ZNF536: variants seen among roughly 807,000 people sequenced by gnomAD.
ZNF536 encodes the protein zinc finger protein 536.
Under a neutral mutation model 84.5 loss-of-function variants are expected in ZNF536, and 13 were observed. That is an observed-to-expected ratio of 0.15 (90% CI 0.10 to 0.24). ZNF536 has a LOEUF of 0.24. Ranked by LOEUF, ZNF536 falls within the 10% of genes least tolerant of loss-of-function variation. ZNF536 has a pLI of 1.00. For missense variants in ZNF536, 1,536 were observed against 1,747.5 expected (o/e 0.88, Z 2.16); for synonymous variants, 811 against 742.5 (o/e 1.09, Z -1.50).
chr19:30,231,787 ATGG>A (rs1444437649), intron 1 of ZNF536, among the ~76,000 whole-genome samples: 5 of 151,698 alleles, frequency 3.3e-5, no homozygotes, highest in Non-Finnish European at 7.4e-5. Context: ...TGTGCTGGTG[ATGG>A]TGGTGGTGGT....
At chr19:30,644,268 A>G (rs1199295710) in intron 1 of ZNF536, among the ~76,000 whole-genome samples, 1 of 152,062 alleles carries the variant, frequency 6.6e-6, no homozygotes, top group Non-Finnish European at 1.5e-5. Context: ...TTTCATTCTT[A>G]GTTTGTAATC....
intron 1 of ZNF536, among the ~76,000 whole-genome samples, chr19:30,248,961 A>C (rs187099451): frequency 6.6e-6 from 1 of 152,328 alleles, no homozygotes; most frequent in East Asian, 1.9e-4. Flanking sequence ...CTTGCTGCCA[A>C]ACGGGGGTTT....
At chr19:30,628,672 A>G (rs1438880950) in intron 1 of ZNF536, among the ~76,000 whole-genome samples, 2 of 151,220 alleles carry the variant, frequency 1.3e-5, no homozygotes, top group Non-Finnish European at 2.9e-5. Context: ...CTCGTGATCC[A>G]CCCACCTTGG....
At chr19:30,656,159 C>T (rs2049904285) in intron 1 of ZNF536, among the ~76,000 whole-genome samples, 1 of 152,202 alleles carries the variant, frequency 6.6e-6, no homozygotes, top group African/African-American at 2.4e-5. Flanking sequence ...TGGAGACCTT[C>T]TCCTTGGTTC....
At chr19:30,350,765 C>A (rs1320366201) in intron 2 of ZNF536, among the ~76,000 whole-genome samples, 2 of 152,148 alleles carry the variant, frequency 1.3e-5, no homozygotes, top group Non-Finnish European at 2.9e-5. Context: ...CAATTTTGTT[C>A]TGTGCCACAA....
intron 1 of ZNF536, among the ~76,000 whole-genome samples, chr19:30,704,328 A>C (rs144800456): frequency 2.4e-4 from 37 of 152,280 alleles, no homozygotes; most frequent in African/African-American, 8.7e-4. Context: ...CACAGGCAAC[A>C]TGGCTGGTCT....
intron 2 of ZNF536, among the ~76,000 whole-genome samples, chr19:30,325,334 G>A (rs1261071739): frequency 4.6e-5 from 7 of 152,184 alleles, no homozygotes; most frequent in Non-Finnish European, 8.8e-5. Flanking sequence ...GTGGCATGTC[G>A]GATCTGGGAG....
chr19:30,671,017 C>G (rs1600217607), intron 1 of ZNF536, among the ~76,000 whole-genome samples: 2 of 152,216 alleles, frequency 1.3e-5, no homozygotes, highest in African/African-American at 4.8e-5. Flanking sequence ...CTCCCCTTCT[C>G]TTTCTCATTC....
intron 2 of ZNF536, among the ~76,000 whole-genome samples, chr19:30,351,907 A>G (rs2047942682): frequency 6.6e-6 from 1 of 152,238 alleles, no homozygotes; most frequent in South Asian, 2.1e-4. Flanking sequence ...AGGGGAAAAC[A>G]TGGGGGAGAA....
intron 2 of ZNF536, among the ~76,000 whole-genome samples, chr19:30,337,259 A>G (rs1246482959): frequency 6.6e-6 from 1 of 152,128 alleles, no homozygotes; most frequent in African/African-American, 2.4e-5. Context: ...TGGCCCACAG[A>G]GTGGGGTTGC....
In ZNF536 at chr19:30,569,354, G is replaced by A. The variant is rs574732602; in HGVS notation, c.169+19840G>A. Reference sequence around the variant, plus strand: ...ATTCTTTGAAATGGGCTCTGCAGCCGTGTTCTTGGGGGAGGTGTTTGGTTT... The same window carrying A: ...ATTCTTTGAAATGGGCTCTGCAGCCATGTTCTTGGGGGAGGTGTTTGGTTT... On this transcript the variant is annotated intron_variant, in intron 1 of 1. Coordinates refer to the ZNF536 transcript ENST00000592773. 3.9e-3 allele frequency among the ~76,000 whole-genome samples: 587 copies of A among 152,092 alleles called. 7 individuals carry two copies. The highest frequency in any genetic ancestry group is 4.9e-3 in the Non-Finnish European group (332 of 68,002).
At chr19:30,274,922 G>A (rs1289437277) in intron 1 of ZNF536, among the ~76,000 whole-genome samples, 5 of 152,194 alleles carry the variant, frequency 3.3e-5, no homozygotes, top group East Asian at 1.9e-4. Context: ...TCTGTAAAGC[G>A]ATACGTATGT....
At chr19:30,398,899 T>C (rs900619307) in intron 1 of ZNF536, among the ~76,000 whole-genome samples, 1 of 152,224 alleles carries the variant, frequency 6.6e-6, no homozygotes. Flanking sequence ...CTCTTTATAG[T>C]AGAATGATTT....
intron 2 of ZNF536, among the ~76,000 whole-genome samples, chr19:30,492,655 A>G (rs1468126266): frequency 6.6e-6 from 1 of 152,244 alleles, no homozygotes; most frequent in Non-Finnish European, 1.5e-5. Context: ...CAACGTATCC[A>G]CGAGACCACT....
rs574260803 is a variant in ZNF536, at chr19:30,480,168, G to A, written c.2170+34436G>A. Reference sequence around the variant, plus strand: ...CCCGGTTCCATGGTGCCAATTTCACGGGAGTGTGGAGATGAGGATTCTGCT... The same window carrying A: ...CCCGGTTCCATGGTGCCAATTTCACAGGAGTGTGGAGATGAGGATTCTGCT... On this transcript the variant is annotated intron_variant, in intron 2 of 4. Coordinates refer to ENST00000355537, the MANE Select transcript of ZNF536 (RefSeq NM_014717.3). 4.5e-4 allele frequency among the ~76,000 whole-genome samples: 69 copies of A among 152,286 alleles called. 1 individual carries two copies. Among genetic ancestry groups the A allele is most frequent in the African/African-American group, 1.5e-3 (64 of 41,562 alleles).
intron 1 of ZNF536, among the ~76,000 whole-genome samples, chr19:30,672,763 T>C (rs550287178): frequency 6.6e-6 from 1 of 152,142 alleles, no homozygotes; most frequent in Non-Finnish European, 1.5e-5. Context: ...AGGCAGTTTT[T>C]TGGGAGGAGG....
rs528601400 is a variant in ZNF536 at position 30,571,706 on chromosome 19, A to G, written c.169+22192A>G. Among the ~76,000 whole-genome samples, 14 of 152,038 alleles carry G rather than the reference A, an allele frequency of 9.2e-5. No individual in the cohort carries two copies. In the East Asian group the frequency reaches 1.7e-3, roughly 19 times the overall value. ...TGATCCCAACATCCGGCTTCCTCCCACGGTCTCAGGCCCCTCTCACCACAG... is the reference window on the plus strand; with the variant it reads ...TGATCCCAACATCCGGCTTCCTCCCGCGGTCTCAGGCCCCTCTCACCACAG... On this transcript the variant is annotated intron_variant, in intron 1 of 1. Coordinates refer to the ZNF536 transcript ENST00000592773.
chr19:30,505,365 A>G (rs2055130215), intron 2 of ZNF536, among the ~76,000 whole-genome samples: 1 of 147,362 alleles, frequency 6.8e-6, no homozygotes, highest in Admixed American at 6.8e-5. Context: ...TATTATAATG[A>G]TATATGAATG....
chr19:30,709,917 ATTGT>A (rs1194904209), intron 1 of ZNF536, among the ~76,000 whole-genome samples: 3 of 152,208 alleles, frequency 2.0e-5, no homozygotes, highest in African/African-American at 7.2e-5. Flanking sequence ...GTGTCCAGCA[ATTGT>A]TTGTTTTTAT....
Sources: gnomAD v4.1 joint callset for allele counts (sites outside exome capture counted in the v4.1 genomes callset) on GRCh38, gnomAD v4.1.1 for gene constraint, MANE v1.5 for transcripts, NCBI Gene and HGNC (gene_info 2026-07-23, HGNC 2026-07-21) for gene names.